Variants in CAMTA1 observed in about 807,000 individuals in gnomAD.
CAMTA1 encodes the protein calmodulin binding transcription activator 1, also known as calmodulin-binding transcription activator 1.
In CAMTA1, 27 loss-of-function variants were observed where a neutral mutation model predicts 170.9. The observed-to-expected ratio is 0.16, with a 90% CI of 0.12 to 0.22. The LOEUF is 0.22. Among genes scored for constraint, CAMTA1 ranks in the 10% least tolerant of loss-of-function variants. CAMTA1 has a pLI of 1.00. For synonymous variants in CAMTA1, 833 were observed against 891.5 expected (o/e 0.93, Z 1.17); for missense variants, 1,619 against 2,217.2 (o/e 0.73, Z 5.42).
At chr1:7,638,848 G>A in intron 6 of CAMTA1, among the ~76,000 whole-genome samples, 1 of 152,168 alleles carries the variant, frequency 6.6e-6, no homozygotes, top group East Asian at 1.9e-4. Context: ...TCATCCCAGG[G>A]ACACTGCTGC....
intron 5 of CAMTA1, among the ~76,000 whole-genome samples, chr1:7,398,179 CTCTCTCTCTCTCTCTATATA>C (rs1389877297): frequency 2.5e-4 from 11 of 43,752 alleles, no homozygotes; most frequent in African/African-American, 9.0e-4. Context: ...CTCTCTCTCT[CTCTCTCTCTCTCTCTATATA>C]TATATATATA....
intron 6 of CAMTA1, among the ~76,000 whole-genome samples, chr1:7,549,749 C>A (rs72865452): frequency 0.034 from 5,137 of 151,996 alleles, 266 homozygotes; most frequent in African/African-American, 0.11. Flanking sequence ...GTAACTCAAG[C>A]ATGTCAGAAA....
intron 3 of CAMTA1, among the ~76,000 whole-genome samples, chr1:6,941,848 A>C (rs931670130): frequency 6.6e-6 from 1 of 152,226 alleles, no homozygotes; most frequent in Non-Finnish European, 1.5e-5. Flanking sequence ...TGTGTCCACT[A>C]TAGGCATGGC....
intron 5 of CAMTA1, among the ~76,000 whole-genome samples, chr1:7,387,408 A>C (rs1483960786): frequency 6.6e-6 from 1 of 152,052 alleles, no homozygotes; most frequent in Non-Finnish European, 1.5e-5. Context: ...CTTATTAAGA[A>C]ATTCCCATTC....
At position 7,412,876 on chromosome 1, in the gene CAMTA1, T is replaced by G. The variant is rs564901292; in HGVS notation, c.439-54954T>G. Among the ~76,000 whole-genome samples the G allele has an allele frequency of 9.2e-5, 14 of 152,368 alleles. No homozygotes were observed. In the South Asian group the frequency reaches 2.5e-3, roughly 27 times the overall value. On this transcript the variant is annotated intron_variant, in intron 5 of 22. Transcript: ENST00000303635. ...ATTGCCTAGGTTTTCTTCTAGGGTT[T>G]TTATGCTTTTAGGTCTAACATGTAA... is the stretch of plus-strand genomic sequence containing the variant.
intron 10 of CAMTA1, among the ~76,000 whole-genome samples, chr1:7,675,022 G>A (rs142121462): frequency 5.4e-4 from 83 of 152,312 alleles, no homozygotes; most frequent in African/African-American, 1.8e-3. Context: ...CTGTATCCCA[G>A]CAGTAGAATA....
rs146774487 is a variant in CAMTA1, at chr1:7,263,437, A to G, written c.438+13811A>G. On this transcript the variant is annotated intron_variant, in intron 5 of 22. Transcript: ENST00000303635. ...TGCAAAGCAACGCTTTTTACACTCA[A>G]TTAGTTTGTACATTGTGTTGGACAC... Among the ~76,000 whole-genome samples the G allele has an allele frequency of 5.0e-3, 760 of 152,332 alleles. 14 individuals carry two copies. Among genetic ancestry groups the G allele is most frequent in the Admixed American group, 0.039 (593 of 15,302 alleles).
chr1:7,117,790 G>A (rs1644420137), intron 4 of CAMTA1, among the ~76,000 whole-genome samples: 1 of 152,168 alleles, frequency 6.6e-6, no homozygotes, highest in African/African-American at 2.4e-5. Context: ...CCTCCTTTGT[G>A]TTTCTAATTC....
chr1:7,142,465 T>C (rs1198819337), intron 4 of CAMTA1, among the ~76,000 whole-genome samples: 1 of 152,226 alleles, frequency 6.6e-6, no homozygotes, highest in Non-Finnish European at 1.5e-5. Flanking sequence ...AAGGTGCTGC[T>C]CTAGTTTGGA....
At chr1:6,842,863 G>A in intron 3 of CAMTA1, among the ~76,000 whole-genome samples, 2 of 152,062 alleles carry the variant, frequency 1.3e-5, no homozygotes, top group East Asian at 3.9e-4. Context: ...GGTGGAGGTT[G>A]CAGTGAGCTG....
rs1301531442 is a variant in CAMTA1, at chr1:7,463,324, G to T, written c.439-4506G>T. Among the ~76,000 whole-genome samples, 1 of 152,104 alleles carries T rather than the reference G, an allele frequency of 6.6e-6. No homozygotes were observed. Among genetic ancestry groups the T allele is most frequent in the African/African-American group, 2.4e-5 (1 of 41,392 alleles). ...CAGACACAGAGACAGGGACAGGCAA[G>T]GGAAACAGAGACAGGGAGAGACAGA... On this transcript the variant is annotated intron_variant, in intron 5 of 22. Coordinates refer to ENST00000303635, the MANE Select transcript of CAMTA1 (RefSeq NM_015215.4). This position sits in a 1 kb window ranked among gnomAD's most constrained non-coding sequence, Gnocchi z 4.7.
intron 3 of CAMTA1, among the ~76,000 whole-genome samples, chr1:6,936,952 C>T (rs1310832858): frequency 6.6e-6 from 1 of 152,048 alleles, no homozygotes. Flanking sequence ...TACGCCACTG[C>T]ACTCCAGCCT....
chr1:7,352,179 G>A (rs75264997), intron 5 of CAMTA1, among the ~76,000 whole-genome samples: 3,227 of 152,086 alleles, frequency 0.021, 110 homozygotes, highest in African/African-American at 0.074. Context: ...AGGAGGAAGT[G>A]GGCGGGGGGA....
At chr1:7,129,222 G>T (rs575269402) in intron 4 of CAMTA1, among the ~76,000 whole-genome samples, 2 of 152,190 alleles carry the variant, frequency 1.3e-5, no homozygotes, top group African/African-American at 4.8e-5. Context: ...CCATGAATTT[G>T]GGTCCATCTG....
chr1:7,126,751 C>T (rs9434850), intron 4 of CAMTA1, among the ~76,000 whole-genome samples: 31,578 of 152,086 alleles, frequency 0.21, 3,637 homozygotes, highest in Non-Finnish European at 0.25. Flanking sequence ...GCTTTTCTGT[C>T]GCTGCTCAGG....
rs1576547749 is a variant in CAMTA1, at chr1:7,641,386, C to T, written c.664+833C>T. 6.6e-6 allele frequency among the ~76,000 whole-genome samples: 1 copy of T among 152,210 alleles called. No homozygotes were observed. Among genetic ancestry groups the T allele is most frequent in the Non-Finnish European group, 1.5e-5 (1 of 68,022 alleles). The stretch of plus-strand genomic sequence containing the variant: ...GGCCTGAGGGGGTGGGTCAGTGGCT[C>T]ACTCAGAAGCAGAACTGTCCCTGGA... On this transcript the variant is annotated intron_variant, in intron 7 of 22. Transcript: ENST00000303635. This position sits in a 1 kb window ranked among gnomAD's most constrained non-coding sequence, Gnocchi z 4.5.
Position 6,895,613 on chromosome 1 carries a change from G to A in CAMTA1, c.234+70403G>A, listed in dbSNP as rs1246181840. ...CCTCTGCCTCTCCATTTCCTACCAG[G>A]TGCCTCTTCCCTCTAAGCACCCTTC... On this transcript the variant is annotated intron_variant, in intron 3 of 22. Coordinates refer to ENST00000303635, the MANE Select transcript of CAMTA1 (RefSeq NM_015215.4). 2.0e-5 allele frequency among the ~76,000 whole-genome samples: 3 copies of A among 152,218 alleles called. No individual in the cohort carries two copies. The South Asian group carries it at 6.2e-4, about 32-fold the overall frequency.
In CAMTA1 at chr1:7,585,963, A is replaced by T. The variant is rs992734621; in HGVS notation, c.511-54437A>T. 6.6e-6 allele frequency among the ~76,000 whole-genome samples: 1 copy of T among 152,128 alleles called. No individual in the cohort carries two copies. Among genetic ancestry groups the T allele is most frequent in the East Asian group, 1.9e-4 (1 of 5,172 alleles). On this transcript the variant is annotated intron_variant, in intron 6 of 22. Coordinates refer to ENST00000303635, the MANE Select transcript of CAMTA1 (RefSeq NM_015215.4). This position sits in a 1 kb window ranked among gnomAD's most constrained non-coding sequence, Gnocchi z 4.8. ...CCCAGGACCCTGGGTCCAGCTCCTCACATGCACTCACAGGGCAGGGACAAG... is the reference window on the plus strand; with the variant it reads ...CCCAGGACCCTGGGTCCAGCTCCTCTCATGCACTCACAGGGCAGGGACAAG...
chr1:7,378,291 T>C (rs2149045400), intron 5 of CAMTA1, among the ~76,000 whole-genome samples: 1 of 152,268 alleles, frequency 6.6e-6, no homozygotes, highest in African/African-American at 2.4e-5. Flanking sequence ...GCCAGAGAGA[T>C]CCTAGCTTCA....
Sources: gnomAD v4.1 joint callset for allele counts (sites outside exome capture counted in the v4.1 genomes callset) on GRCh38, gnomAD v4.1.1 for gene constraint, Gnocchi (gnomAD v3.1) non-coding constraint, MANE v1.5 for transcripts, NCBI Gene and HGNC (gene_info 2026-07-23, HGNC 2026-07-21) for gene names.